Variants in TMEM132D observed in about 807,000 individuals in gnomAD.
TMEM132D encodes the protein transmembrane protein 132D, also known as mature OL transmembrane protein.
TMEM132D carries 21 observed loss-of-function variants against 62.3 expected under a neutral mutation model. The ratio of observed to expected loss-of-function variants is 0.34; its 90% CI spans 0.24 to 0.49. The LOEUF is 0.49. Ranked by LOEUF, TMEM132D falls within the 20% of genes least tolerant of loss-of-function variation. The pLI, the probability that TMEM132D is intolerant of heterozygous loss-of-function variation, is 0.99. For missense variants in TMEM132D, 1,346 were observed against 1,402.8 expected (o/e 0.96, Z 0.65); for synonymous variants, 621 against 575.6 (o/e 1.08, Z -1.13).
intron 4 of TMEM132D, among the ~76,000 whole-genome samples, chr12:129,301,209 C>T (rs756298460): frequency 3.3e-5 from 5 of 152,172 alleles, no homozygotes; most frequent in African/African-American, 4.8e-5. Context: ...AAAAAACTTC[C>T]TGGTTGTGCT....
Position 129,734,076 on chromosome 12 carries a change from C to A in TMEM132D, c.80-33378G>T, listed in dbSNP as rs140215548. Among the ~76,000 whole-genome samples, 1,266 of 152,244 alleles carry A rather than the reference C, an allele frequency of 8.3e-3. 14 individuals are homozygous for A. The highest frequency in any genetic ancestry group is 0.029 in the African/African-American group (1,223 of 41,542). On this transcript the variant is annotated intron_variant, in intron 1 of 8. Transcript: ENST00000422113. ...CTTTAAACAGGCTGCTACTGAGAAC[C>A]TCGTTTGCTCAAGACTGAAAAAGGA...
At chr12:129,349,564 C>G (rs763571028) in intron 3 of TMEM132D, among the ~76,000 whole-genome samples, 1 of 152,156 alleles carries the variant, frequency 6.6e-6, no homozygotes, top group Non-Finnish European at 1.5e-5. Context: ...AACAGTAAAG[C>G]AGGTAACTTG....
At chr12:129,902,468 GAAT>G (rs151187055) in intron 1 of TMEM132D, among the ~76,000 whole-genome samples, 1,541 of 152,310 alleles carry the variant, frequency 0.01, 64 homozygotes, top group Admixed American at 0.081. Flanking sequence ...CTTCAAGGAA[GAAT>G]GACTGTCCAG....
At chr12:129,522,054 G>A (rs969534319) in intron 3 of TMEM132D, among the ~76,000 whole-genome samples, 2 of 152,166 alleles carry the variant, frequency 1.3e-5, no homozygotes, top group Non-Finnish European at 2.9e-5. Flanking sequence ...AGAGCTTAAC[G>A]AAGGTTCTAA....
chr12:129,640,923 G>A (rs1318958804), intron 2 of TMEM132D, among the ~76,000 whole-genome samples: 4 of 152,210 alleles, frequency 2.6e-5, no homozygotes, highest in East Asian at 3.9e-4. Context: ...TAGGTTGCAC[G>A]CTCCTTATGA....
At chr12:129,250,483 G>A (rs1043775595) in intron 4 of TMEM132D, among the ~76,000 whole-genome samples, 2 of 152,110 alleles carry the variant, frequency 1.3e-5, no homozygotes, top group Non-Finnish European at 2.9e-5. Flanking sequence ...CCTCAACAGC[G>A]CCAATCCTTC....
intron 1 of TMEM132D, among the ~76,000 whole-genome samples, chr12:129,866,580 C>T (rs1282750563): frequency 2.0e-5 from 3 of 150,284 alleles, no homozygotes; most frequent in Non-Finnish European, 3.0e-5. Context: ...TACCCTAGAA[C>T]TTAAAGTATA....
chr12:129,195,972 CA>C (rs1285636832), intron 5 of TMEM132D, among the ~76,000 whole-genome samples: 2 of 151,950 alleles, frequency 1.3e-5, no homozygotes, highest in Non-Finnish European at 2.9e-5. Context: ...ACCAAAAATA[CA>C]AAAATTAGCT....
chr12:129,702,749 C>T (rs1881413976), intron 1 of TMEM132D, among the ~76,000 whole-genome samples: 1 of 152,232 alleles, frequency 6.6e-6, no homozygotes, highest in African/African-American at 2.4e-5. Context: ...GCTGTATTCA[C>T]AGTCTTTAAG....
chr12:129,182,938 G>C (rs1264836343), intron 5 of TMEM132D, among the ~76,000 whole-genome samples: 1 of 152,140 alleles, frequency 6.6e-6, no homozygotes, highest in Non-Finnish European at 1.5e-5. Flanking sequence ...GCTGCTCATG[G>C]GGTGGTGGTT....
chr12:129,397,654 T>A (rs1361578231), intron 3 of TMEM132D, among the ~76,000 whole-genome samples: 1 of 152,200 alleles, frequency 6.6e-6, no homozygotes, highest in Non-Finnish European at 1.5e-5. Flanking sequence ...GAAATGTGTC[T>A]AACATAATCA....
intron 5 of TMEM132D, among the ~76,000 whole-genome samples, chr12:129,185,544 ATTT>A (rs907378111): frequency 3.7e-4 from 56 of 151,754 alleles, no homozygotes; most frequent in African/African-American, 1.3e-3. Flanking sequence ...TTATTTTATT[ATTT>A]TATTTTAATT....
intron 4 of TMEM132D, among the ~76,000 whole-genome samples, chr12:129,243,431 C>A (rs180878495): frequency 6.6e-6 from 1 of 152,230 alleles, no homozygotes; most frequent in East Asian, 1.9e-4. Context: ...GCATATGTGG[C>A]ATAATTACTT....
At chr12:129,478,996 T>C (rs1263456789) in intron 3 of TMEM132D, among the ~76,000 whole-genome samples, 1 of 152,232 alleles carries the variant, frequency 6.6e-6, no homozygotes, top group Non-Finnish European at 1.5e-5. Flanking sequence ...GAATTAATTG[T>C]TCCCTCCTCT....
chr12:129,891,795 G>A (rs1874932490), intron 1 of TMEM132D, among the ~76,000 whole-genome samples: 1 of 152,106 alleles, frequency 6.6e-6, no homozygotes, highest in Admixed American at 6.5e-5. Flanking sequence ...TTTTAAACAT[G>A]AGGAAATACT....
intron 1 of TMEM132D, among the ~76,000 whole-genome samples, chr12:129,860,935 A>C (rs1873874514): frequency 6.6e-6 from 1 of 152,180 alleles, no homozygotes; most frequent in Admixed American, 6.5e-5. Context: ...ATAGACACCT[A>C]GTCCCGCCCA....
chr12:129,192,765 A>G (rs888333936), intron 5 of TMEM132D, among the ~76,000 whole-genome samples: 7 of 152,158 alleles, frequency 4.6e-5, no homozygotes, highest in Admixed American at 2.0e-4. Flanking sequence ...ACTCAGATAC[A>G]TTTTAACTGT....
chr12:129,470,918 A>C (rs1196100332), intron 3 of TMEM132D, among the ~76,000 whole-genome samples: 2 of 152,182 alleles, frequency 1.3e-5, no homozygotes, highest in Admixed American at 1.3e-4. Flanking sequence ...GTGGAATAAG[A>C]GGAAAGAAAG....
intron 3 of TMEM132D, among the ~76,000 whole-genome samples, chr12:129,504,095 CA>C (rs1364486922): frequency 3.3e-5 from 5 of 151,946 alleles, no homozygotes; most frequent in African/African-American, 1.2e-4. Flanking sequence ...ATTATCACCA[CA>C]ACCATCATCA....
Sources: gnomAD v4.1 joint callset for allele counts (sites outside exome capture counted in the v4.1 genomes callset) on GRCh38, gnomAD v4.1.1 for gene constraint, MANE v1.5 for transcripts, NCBI Gene and HGNC (gene_info 2026-07-23, HGNC 2026-07-21) for gene names.